The following OR2L13 variants were observed in gnomAD, a reference collection of about 807,000 sequenced individuals.
OR2L13 encodes the protein olfactory receptor family 2 subfamily L member 13.
A neutral mutation model predicts 15.3 loss-of-function variants in OR2L13; 14 were observed. The observed-to-expected ratio is 0.91, with a 90% CI of 0.60 to 1.43. The LOEUF is 1.43. OR2L13 is among the 40% of genes most tolerant of loss of function. The probability of loss-of-function intolerance (pLI) is 0.00; values close to 1 mark genes in which losing one functional copy is unlikely to be tolerated. For synonymous variants in OR2L13, 152 were observed against 142.9 expected, an observed-to-expected ratio of 1.06 and a Z score of -0.45; for missense variants, 367 against 387.9, an observed-to-expected ratio of 0.95 and a Z score of 0.45.
At chr1:248,022,752 G>A in the OR2L13 span, 1 of 1,614,116 alleles carries the variant, frequency 6.2e-7, no homozygotes, top group Non-Finnish European at 8.5e-7. Context: ...ATCTCTGACA[G>A]AGGACAAGGT....
At chr1:247,950,061 GAAATGA>G in the OR2L13 span, among the ~76,000 whole-genome samples, 2 of 150,886 alleles carry the variant, frequency 1.3e-5, no homozygotes, top group African/African-American at 2.4e-5. Flanking sequence ...TGGTCATGCA[GAAATGA>G]AAATGAAAAT....
the OR2L13 span, among the ~76,000 whole-genome samples, chr1:248,058,145 G>C: frequency 6.6e-6 from 1 of 152,228 alleles, no homozygotes; most frequent in Non-Finnish European, 1.5e-5. Flanking sequence ...AATGTTTTAT[G>C]AAAGAAATGC....
At chr1:247,944,965 A>G in the OR2L13 span, among the ~76,000 whole-genome samples, 1 of 150,836 alleles carries the variant, frequency 6.6e-6, no homozygotes, top group East Asian at 1.9e-4. Flanking sequence ...CAGCTCCTGG[A>G]TTCATTAATT....
chr1:247,959,990 C>T, the OR2L13 span, among the ~76,000 whole-genome samples: 7 of 152,302 alleles, frequency 4.6e-5, no homozygotes, highest in African/African-American at 1.2e-4. Flanking sequence ...TGAGGAACTG[C>T]GTTCCTTTGG....
the OR2L13 span, chr1:248,039,196 T>A: frequency 1.2e-6 from 2 of 1,607,598 alleles, no homozygotes; most frequent in African/African-American, 1.3e-5. Flanking sequence ...ATCTTCTCAG[T>A]GAAAATGTAG....
At chr1:248,033,465 C>G in the OR2L13 span, among the ~76,000 whole-genome samples, 1 of 151,636 alleles carries the variant, frequency 6.6e-6, no homozygotes, top group Non-Finnish European at 1.5e-5. Context: ...GAAACAGGGT[C>G]TCACTCTGTC....
the OR2L13 span, among the ~76,000 whole-genome samples, chr1:248,028,110 T>C: frequency 5.3e-4 from 64 of 120,490 alleles, no homozygotes; most frequent in African/African-American, 2.0e-3. Flanking sequence ...CACTGCACTC[T>C]AGCCTGAGCG....
chr1:247,959,371 T>G, the OR2L13 span, among the ~76,000 whole-genome samples: 4 of 152,368 alleles, frequency 2.6e-5, no homozygotes, highest in East Asian at 7.7e-4. Context: ...TGGCTGCCCT[T>G]AACATTTTTT....
At chr1:247,999,604 A>G in the OR2L13 span, among the ~76,000 whole-genome samples, 2 of 152,286 alleles carry the variant, frequency 1.3e-5, no homozygotes, top group South Asian at 2.1e-4. Flanking sequence ...TCTTAGGAGA[A>G]TCTATTGTGG....
At chr1:248,003,582 G>A in the OR2L13 span, 1 of 1,612,320 alleles carries the variant, frequency 6.2e-7, no homozygotes, top group East Asian at 2.2e-5. Flanking sequence ...TGGATCATAG[G>A]CTCGATCAAT....
the OR2L13 span, among the ~76,000 whole-genome samples, chr1:248,029,814 C>T: frequency 6.6e-6 from 1 of 152,150 alleles, no homozygotes; most frequent in South Asian, 2.1e-4. Flanking sequence ...AACACGAAAA[C>T]ATTGACATAA....
the OR2L13 span, chr1:248,083,543 A>AAT: frequency 9.7e-6 from 9 of 926,266 alleles, no homozygotes; most frequent in Non-Finnish European, 1.5e-5. Flanking sequence ...GCACAAACTT[A>AAT]ATTTTCTGTT....
At chr1:248,068,701 A>T in the OR2L13 span, among the ~76,000 whole-genome samples, 2 of 152,204 alleles carry the variant, frequency 1.3e-5, no homozygotes, top group Non-Finnish European at 2.9e-5. Context: ...ATTCAAACCA[A>T]GGGCAAAGAA....
chr1:248,071,739 G>C, the OR2L13 span, among the ~76,000 whole-genome samples: 3 of 149,898 alleles, frequency 2.0e-5, no homozygotes, highest in African/African-American at 7.4e-5. Context: ...CATTGTCTCA[G>C]CCCAAAATCT....
chr1:248,090,201 G>A (rs1280661413), upstream of OR2L13, among the ~76,000 whole-genome samples: 4 of 152,064 alleles, frequency 2.6e-5, no homozygotes, highest in Admixed American at 6.6e-5. Context: ...CTTGAGTTTC[G>A]TTTGGTAACA....
At chr1:248,078,219 A>T in the OR2L13 span, among the ~76,000 whole-genome samples, 1 of 152,180 alleles carries the variant, frequency 6.6e-6, no homozygotes, top group Non-Finnish European at 1.5e-5. Flanking sequence ...GCGGTGCCTC[A>T]CACCTGTAAT....
At chr1:248,002,807 G>A in the OR2L13 span, among the ~76,000 whole-genome samples, 6 of 150,728 alleles carry the variant, frequency 4.0e-5, no homozygotes, top group South Asian at 4.2e-4. Context: ...GCAGTGAGCC[G>A]AGATCGCACC....
chr1:247,997,519 T>G, the OR2L13 span, among the ~76,000 whole-genome samples: 3 of 152,158 alleles, frequency 2.0e-5, no homozygotes, highest in African/African-American at 7.2e-5. Context: ...TAAATTAACC[T>G]CATTCTATTT....
At chr1:248,049,846 G>T in the OR2L13 span, among the ~76,000 whole-genome samples, 3 of 151,846 alleles carry the variant, frequency 2.0e-5, no homozygotes, top group South Asian at 6.2e-4. Flanking sequence ...ATTTTTAAAA[G>T]GTTTATATTA....
Sources: allele counts gnomAD v4.1 joint callset (sites outside exome capture counted in the v4.1 genomes callset), GRCh38; gene constraint gnomAD v4.1.1; transcripts MANE v1.5; gene names NCBI Gene and HGNC (gene_info 2026-07-23, HGNC 2026-07-21).